ETV5: variants seen among roughly 807,000 people sequenced by gnomAD.
ETV5 encodes ETS variant transcription factor 5.
In ETV5, 10 loss-of-function variants were observed where a neutral mutation model predicts 70.0. The observed-to-expected ratio is 0.14, with a 90% CI of 0.09 to 0.24. The LOEUF (loss-of-function observed/expected upper bound fraction) is 0.24. Ranked by LOEUF, ETV5 falls within the 10% of genes least tolerant of loss-of-function variation. The pLI is 1.00. For synonymous variants in ETV5, 216 were observed against 242.2 expected (o/e 0.89, Z 1.01); for missense variants, 453 against 651.2 (o/e 0.70, Z 3.31).
rs1285070836 is a variant in ETV5 at position 186,052,684 on chromosome 3, C to T, written c.1210-553G>A. Among the ~76,000 whole-genome samples, 1 of 152,158 alleles carries T rather than the reference C, an allele frequency of 6.6e-6. No individual in the cohort carries two copies. The highest frequency in any genetic ancestry group is 1.5e-5 in the Non-Finnish European group (1 of 68,040). ...GCCTGCTGCCATCCAATCCCATGCTCCCAGCAGACTTGCAGAATGGACATG... is the reference window on the plus strand; with the variant it reads ...GCCTGCTGCCATCCAATCCCATGCTTCCAGCAGACTTGCAGAATGGACATG... On this transcript the variant is annotated intron_variant, in intron 11 of 12. Transcript: ENST00000306376. The surrounding 1 kb of genome is among the most constrained non-coding windows in gnomAD (Gnocchi z 4.5).
At chr3:186,051,210 G>GAC (rs1417527202) in intron 12 of ETV5, among the ~76,000 whole-genome samples, 3 of 152,218 alleles carry the variant, frequency 2.0e-5, no homozygotes, top group African/African-American at 7.2e-5. Context: ...CCGCCTATGA[G>GAC]AAAGATGAAT....
intron 9 of ETV5, among the ~76,000 whole-genome samples, chr3:186,061,411 C>T (rs894761113): frequency 6.6e-6 from 1 of 152,206 alleles, no homozygotes; most frequent in African/African-American, 2.4e-5. Flanking sequence ...GCATCAGAAT[C>T]TCCTGCAGGA....
Position 186,065,937 on chromosome 3 carries a change from G to T in ETV5, c.786C>A (p.Phe262Leu). Residue 262 changes from phenylalanine to leucine, a missense_variant, in exon 8 of 13, where the codon TTC becomes TTA. By Grantham distance (22) the Phe-to-Leu change is conservative (BLOSUM62 0). Around this residue, in one of 4 missense-constraint regions of ETV5, gnomAD observed 307 missense variants for 344.9 expected, o/e 0.89. Coordinates refer to ENST00000306376, the MANE Select transcript of ETV5 (RefSeq NM_004454.3). ...AGAGTGGGTCATGGTATTCTTGTTT[G>T]AATCCCTGAGGGGGCGGGGGAGCTG... is the stretch of plus-strand genomic sequence containing the variant. ...VPAAPPPPQGFKQEYHDPLYE... is the reference protein window; with the variant it reads ...VPAAPPPPQGLKQEYHDPLYE... 1 of 1,612,838 alleles carries T rather than the reference G, an allele frequency of 6.2e-7. No individual in the cohort carries two copies. Among genetic ancestry groups the T allele is most frequent in the Non-Finnish European group, 8.5e-7 (1 of 1,179,408 alleles).
intron 7 of ETV5, chr3:186,077,876 G>T (rs1713834572): frequency 5.0e-6 from 2 of 400,382 alleles, no homozygotes; most frequent in Non-Finnish European, 7.4e-6. Context: ...TCACCCCAGT[G>T]TGTGTGTGAG....
rs59502066 is a variant in ETV5 at position 186,066,064 on chromosome 3, C to G, written c.659G>C (p.Arg220Thr). 2 of 1,576,390 alleles carry G rather than the reference C, an allele frequency of 1.3e-6. No homozygotes were observed. Among genetic ancestry groups the G allele is most frequent in the African/African-American group, 1.4e-5 (1 of 72,862 alleles). The stretch of plus-strand genomic sequence containing the variant: ...GGGGTGGCAGGGTTCAGACAGTTGT[C>G]TCTGAAATCTGTAAGAAGAAAGAGG... ...NQYPSEQRFQRQLSEPCHPFP... is the reference protein window; with the variant it reads ...NQYPSEQRFQTQLSEPCHPFP... Residue 220 changes from arginine to threonine, a missense_variant, in exon 8 of 13, where the codon AGA becomes ACA. By Grantham distance (71) the Arg-to-Thr change is moderately conservative. This residue lies in a region of ETV5 where 307 missense variants were observed against 344.9 expected (regional missense o/e 0.89). Transcript: ENST00000306376.
At chr3:186,061,994 C>A (rs916306942) in intron 9 of ETV5, among the ~76,000 whole-genome samples, 1 of 152,220 alleles carries the variant, frequency 6.6e-6, no homozygotes, top group African/African-American at 2.4e-5. Flanking sequence ...TAAAAAATGT[C>A]ATACCCTCCT....
At chr3:186,082,857 A>G (rs973320596) in intron 5 of ETV5, among the ~76,000 whole-genome samples, 3 of 152,262 alleles carry the variant, frequency 2.0e-5, no homozygotes, top group African/African-American at 7.2e-5. Context: ...ACAGATGACA[A>G]GGTTATAAAG....
rs372116582 is a variant in ETV5 at position 186,057,029 on chromosome 3, A to T, written c.1209+46T>A. On this transcript the variant is annotated intron_variant, in intron 11 of 12. Coordinates refer to ENST00000306376, the MANE Select transcript of ETV5 (RefSeq NM_004454.3). This position sits in a 1 kb window ranked among gnomAD's most constrained non-coding sequence, Gnocchi z 4.9. ...GAAATCTAAACAAAAAACATCATCAACAACAACAAATCAAAACCCGTCTGA... is the reference window on the plus strand; with the variant it reads ...GAAATCTAAACAAAAAACATCATCATCAACAACAAATCAAAACCCGTCTGA... 72 of 1,587,134 alleles carry T rather than the reference A, an allele frequency of 4.5e-5. No homozygotes were observed. The highest frequency in any genetic ancestry group is 6.8e-5 in the African/African-American group (5 of 73,804).
intron 5 of ETV5, among the ~76,000 whole-genome samples, chr3:186,101,301 A>G (rs1446789426): frequency 6.6e-6 from 1 of 152,096 alleles, no homozygotes; most frequent in Non-Finnish European, 1.5e-5. Flanking sequence ...CGTTTTTTAG[A>G]GATAGGGTCT....
chr3:186,066,232 G>A (rs1207909207), intron 7 of ETV5, among the ~76,000 whole-genome samples, 160 bp from the exon 8 acceptor site: 1 of 128,384 alleles, frequency 7.8e-6, no homozygotes, highest in East Asian at 2.4e-4. Flanking sequence ...ATTACATTGT[G>A]TATTTCGAAG....
intron 12 of ETV5, among the ~76,000 whole-genome samples, chr3:186,051,754 T>C (rs146967803): frequency 1.8e-3 from 271 of 152,318 alleles, no homozygotes; most frequent in African/African-American, 6.1e-3. Context: ...AATTTCTATA[T>C]ATAGAAGCAG....
intron 12 of ETV5, among the ~76,000 whole-genome samples, chr3:186,051,349 A>ATCCCT (rs1472720596): frequency 6.6e-6 from 1 of 152,244 alleles, no homozygotes. Context: ...TACATTACGA[A>ATCCCT]TTTGGTAGCT....
intron 9 of ETV5, among the ~76,000 whole-genome samples, chr3:186,063,730 C>T (rs1279227782): frequency 6.6e-6 from 1 of 152,112 alleles, no homozygotes; most frequent in African/African-American, 2.4e-5. Context: ...GCATTTTGTA[C>T]ATAACATACC....
intron 5 of ETV5, among the ~76,000 whole-genome samples, chr3:186,093,187 G>A (rs1714223709): frequency 6.6e-6 from 1 of 152,160 alleles, no homozygotes; most frequent in Non-Finnish European, 1.5e-5. Context: ...CGTCTGGCTA[G>A]GGGTAAAAGC....
intron 7 of ETV5, among the ~76,000 whole-genome samples, chr3:186,071,358 A>T (rs1162240404): frequency 1.3e-5 from 2 of 152,230 alleles, no homozygotes; most frequent in African/African-American, 2.4e-5. Flanking sequence ...TCAGGGAAGA[A>T]GACGGAAAAT....
At chr3:186,071,545 T>C (rs1296149167) in intron 7 of ETV5, among the ~76,000 whole-genome samples, 1 of 152,212 alleles carries the variant, frequency 6.6e-6, no homozygotes, top group African/African-American at 2.4e-5. Flanking sequence ...GTAAAGATGA[T>C]GTAAGATAAT....
chr3:186,067,507 G>A (rs180937840), intron 7 of ETV5, among the ~76,000 whole-genome samples: 51 of 152,272 alleles, frequency 3.3e-4, no homozygotes, highest in African/African-American at 1.0e-3. Context: ...AGCTACTCAG[G>A]AGGCTGCGGC....
intron 5 of ETV5, among the ~76,000 whole-genome samples, chr3:186,085,209 T>C (rs1247576282): frequency 6.6e-6 from 1 of 152,174 alleles, no homozygotes; most frequent in Non-Finnish European, 1.5e-5. Context: ...CTTTTCATTA[T>C]ATTGGCTCCC....
At chr3:186,082,723 C>T (rs1366010278) in intron 5 of ETV5, among the ~76,000 whole-genome samples, 1 of 152,208 alleles carries the variant, frequency 6.6e-6, no homozygotes. Context: ...TCGGCCTAAA[C>T]AATCATCTCT....
Sources: allele counts gnomAD v4.1 joint callset (sites outside exome capture counted in the v4.1 genomes callset), GRCh38; gene constraint gnomAD v4.1.1; regional missense constraint gnomAD v4.1.1; non-coding constraint Gnocchi (gnomAD v3.1); transcripts MANE v1.5; gene names NCBI Gene and HGNC (gene_info 2026-07-23, HGNC 2026-07-21).